The following ARHGEF10L variants were observed in gnomAD, a reference collection of about 807,000 sequenced individuals.
ARHGEF10L encodes Rho guanine nucleotide exchange factor 10 like, also known as rho guanine nucleotide exchange factor 10-like protein.
Under a neutral mutation model 141.2 loss-of-function variants are expected in ARHGEF10L, and 69 were observed. That is an observed-to-expected ratio of 0.49 (90% CI 0.40 to 0.60). ARHGEF10L has a LOEUF of 0.60. ARHGEF10L is among the 20% of genes least tolerant of loss of function. The pLI is 0.00. For synonymous variants in ARHGEF10L, 711 were observed against 718.5 expected, an observed-to-expected ratio of 0.99 and a Z score of 0.17; for missense variants, 1,482 against 1,734.3, an observed-to-expected ratio of 0.85 and a Z score of 2.58.
At chr1:17,648,146 A>G (rs1344152114) in intron 21 of ARHGEF10L, among the ~76,000 whole-genome samples, 3 of 152,212 alleles carry the variant, frequency 2.0e-5, no homozygotes, top group African/African-American at 7.2e-5. Context: ...TCAAGGCAAC[A>G]GGGGTCTGGA....
intron 12 of ARHGEF10L, 22 bp from the exon 13 acceptor site, chr1:17,624,365 G>A (rs371498168): frequency 5.7e-6 from 9 of 1,591,842 alleles, no homozygotes; most frequent in Middle Eastern, 1.7e-4. Context: ...GGTCTCCCTG[G>A]CCCACACCTG....
intron 11 of ARHGEF10L, 97 bp from the exon 12 acceptor site, chr1:17,622,899 G>A (rs1242436350): frequency 8.2e-6 from 11 of 1,334,888 alleles, no homozygotes; most frequent in East Asian, 4.8e-5. Flanking sequence ...TCCGTGCCAC[G>A]GGAAGGCCCA....
At chr1:17,624,703 T>C (rs1455745449) in intron 13 of ARHGEF10L, among the ~76,000 whole-genome samples, 200 bp downstream of exon 13, 1 of 152,158 alleles carries the variant, frequency 6.6e-6, no homozygotes, top group Non-Finnish European at 1.5e-5. Flanking sequence ...GCCAAGTGTC[T>C]GTAAGCAACT....
chr1:17,670,772 G>A (rs1231344125), intron 26 of ARHGEF10L, among the ~76,000 whole-genome samples: 1 of 152,268 alleles, frequency 6.6e-6, no homozygotes, highest in Non-Finnish European at 1.5e-5. Flanking sequence ...CCATTTTACA[G>A]ATGGGGATGT....
In ARHGEF10L at chr1:17,603,201, C is replaced by T. The variant is rs1370118515; in HGVS notation, c.350-307C>T. On this transcript the variant is annotated intron_variant, in intron 5 of 28. Transcript: ENST00000361221. This position sits in a 1 kb window ranked among gnomAD's most constrained non-coding sequence, Gnocchi z 4.8. ...GGGCCAGGGCACAGGTGCTGGACTGCGTCATGCTCCCTGCAGGGGCCGGGA... is the reference window on the plus strand; with the variant it reads ...GGGCCAGGGCACAGGTGCTGGACTGTGTCATGCTCCCTGCAGGGGCCGGGA... 6.6e-6 allele frequency among the ~76,000 whole-genome samples: 1 copy of T among 151,568 alleles called. No homozygotes were observed. Among genetic ancestry groups the T allele is most frequent in the Non-Finnish European group, 1.5e-5 (1 of 67,928 alleles).
At chr1:17,680,319 C>T (rs1004900990) in intron 26 of ARHGEF10L, among the ~76,000 whole-genome samples, 14 of 152,208 alleles carry the variant, frequency 9.2e-5, no homozygotes, top group African/African-American at 2.7e-4. Context: ...GGCCCCTTGG[C>T]GACATCTCAG....
In ARHGEF10L at chr1:17,558,316, T is replaced by A. The variant is rs2077421861; in HGVS notation, c.-44+18366T>A. On this transcript the variant is annotated intron_variant, in intron 1 of 28. Coordinates refer to ENST00000361221, the MANE Select transcript of ARHGEF10L (RefSeq NM_018125.4). This position sits in a 1 kb window ranked among gnomAD's most constrained non-coding sequence, Gnocchi z 4.2. ...ATTTATTCACCCACTCATCCACCCATCATCTCTTGAATCTCTTCGGCATGC... is the reference window on the plus strand; with the variant it reads ...ATTTATTCACCCACTCATCCACCCAACATCTCTTGAATCTCTTCGGCATGC... Among the ~76,000 whole-genome samples, 1 of 152,180 alleles carries A rather than the reference T, an allele frequency of 6.6e-6. No homozygotes were observed. The highest frequency in any genetic ancestry group is 2.4e-5 in the African/African-American group (1 of 41,454).
upstream of ARHGEF10L, among the ~76,000 whole-genome samples, chr1:17,538,696 A>C (rs968106528): frequency 1.4e-5 from 2 of 140,424 alleles, no homozygotes; most frequent in Non-Finnish European, 3.0e-5. Flanking sequence ...GAGTAGTTAA[A>C]AAAAAAAAAA....
chr1:17,553,608 C>A (rs957936163), intron 1 of ARHGEF10L, among the ~76,000 whole-genome samples: 27 of 151,742 alleles, frequency 1.8e-4, no homozygotes, highest in African/African-American at 6.1e-4. Context: ...ATAGTGAGAC[C>A]CCATCTTTAA....
intron 26 of ARHGEF10L, among the ~76,000 whole-genome samples, chr1:17,681,106 T>C (rs2102416357): frequency 6.6e-6 from 1 of 152,310 alleles, no homozygotes; most frequent in African/African-American, 2.4e-5. Flanking sequence ...AATTTCAAAC[T>C]ACAGGAAAGG....
At position 17,624,385 on chromosome 1, in the gene ARHGEF10L, A is replaced by AGG; in HGVS notation, c.1201-1_1201insGG. The AGG allele has an allele frequency of 6.2e-7, 1 of 1,612,556 alleles. No individual in the cohort carries two copies. The highest frequency in any genetic ancestry group is 8.5e-7 in the Non-Finnish European group (1 of 1,178,722). The stretch of plus-strand genomic sequence containing the variant: ...CCCTGGCCCACACCTGCCTTGTTTC[A>AGG]GTTTTCCAAGTCCATGGTGCTAGAT... On this transcript the variant is annotated splice_acceptor_variant, in intron 12 of 28. Coordinates refer to ENST00000361221, the MANE Select transcript of ARHGEF10L (RefSeq NM_018125.4). LOFTEE classifies it high-confidence loss of function.
the ARHGEF10L span, among the ~76,000 whole-genome samples, chr1:17,529,739 T>G: frequency 6.6e-6 from 1 of 151,326 alleles, no homozygotes; most frequent in Non-Finnish European, 1.5e-5. Context: ...GGTGGAGCTC[T>G]AAGCAGAGCA....
chr1:17,640,965 T>C (rs1001522502), intron 21 of ARHGEF10L, among the ~76,000 whole-genome samples: 1 of 152,210 alleles, frequency 6.6e-6, no homozygotes, highest in East Asian at 1.9e-4. Context: ...TGAGAATCTC[T>C]TTTTCCATTG....
At chr1:17,571,997 G>A (rs1468636984) in intron 1 of ARHGEF10L, among the ~76,000 whole-genome samples, 1 of 152,192 alleles carries the variant, frequency 6.6e-6, no homozygotes, top group African/African-American at 2.4e-5. Context: ...AGTTTGGGGG[G>A]GCTCCTCCAG....
At chr1:17,524,347 T>TAATA in the ARHGEF10L span, among the ~76,000 whole-genome samples, 2 of 128,018 alleles carry the variant, frequency 1.6e-5, no homozygotes, top group African/African-American at 5.9e-5. Flanking sequence ...CTGGGCAACA[T>TAATA]AATAAAACCC....
In ARHGEF10L at chr1:17,624,896, G is replaced by A. The variant is rs576671046; in HGVS notation, c.1317+393G>A. The stretch of plus-strand genomic sequence containing the variant: ...AAGGGTGAGGAAATTCCTTATAGGG[G>A]TATCTTGGGCATTGCTTGGGAGAGT... On this transcript the variant is annotated intron_variant, in intron 13 of 28. Coordinates refer to ENST00000361221, the MANE Select transcript of ARHGEF10L (RefSeq NM_018125.4). 1.6e-4 allele frequency among the ~76,000 whole-genome samples: 24 copies of A among 152,326 alleles called. No individual in the cohort carries two copies. In the South Asian group the frequency reaches 3.9e-3, roughly 25 times the overall value.
At chr1:17,664,759 C>T (rs1175914049) in intron 26 of ARHGEF10L, among the ~76,000 whole-genome samples, 164 bp downstream of exon 26, 1 of 152,222 alleles carries the variant, frequency 6.6e-6, no homozygotes, top group Non-Finnish European at 1.5e-5. Context: ...CCTATTGGGC[C>T]TGACCTCTTC....
At position 17,602,275 on chromosome 1, in the gene ARHGEF10L, A is replaced by T. The variant is rs2100941783; in HGVS notation, c.349+57A>T. 2.0e-6 allele frequency: 3 copies of T among 1,529,396 alleles called. No individual in the cohort carries two copies. The South Asian group carries it at 3.6e-5, about 18-fold the overall frequency. The allele number at this position is 1,529,396 out of a possible 1,614,324, so 94.7% of individuals were successfully genotyped here. On this transcript the variant is annotated intron_variant, in intron 5 of 28. Transcript: ENST00000361221. Reference sequence around the variant, plus strand: ...CAGGTAGCAAGCTCCAGGATATTCTAGTCTTTCTAACCCAAGAGAGCTGAT... The same window carrying T: ...CAGGTAGCAAGCTCCAGGATATTCTTGTCTTTCTAACCCAAGAGAGCTGAT...
chr1:17,641,872 T>G (rs1418149183), intron 21 of ARHGEF10L, among the ~76,000 whole-genome samples: 1 of 151,348 alleles, frequency 6.6e-6, no homozygotes, highest in African/African-American at 2.4e-5. Flanking sequence ...TCCCAGCTAC[T>G]CGAGAGGTTG....
Sources: gnomAD v4.1 joint callset for allele counts (sites outside exome capture counted in the v4.1 genomes callset) on GRCh38, gnomAD v4.1.1 for gene constraint, Gnocchi (gnomAD v3.1) non-coding constraint, MANE v1.5 for transcripts, NCBI Gene and HGNC (gene_info 2026-07-23, HGNC 2026-07-21) for gene names.